GNAS: variants seen among roughly 807,000 people sequenced by gnomAD.
GNAS encodes protein ALEX.
A neutral mutation model predicts 54.5 loss-of-function variants in GNAS; 8 were observed. The observed-to-expected ratio is 0.15, with a 90% CI of 0.09 to 0.26. The LOEUF is 0.26. Ranked by LOEUF, GNAS falls within the 10% of genes least tolerant of loss-of-function variation. The probability of loss-of-function intolerance (pLI) is 1.00; values close to 1 mark genes in which losing one functional copy is unlikely to be tolerated. For synonymous variants in GNAS, 204 were observed against 191.4 expected, an observed-to-expected ratio of 1.07 and a Z score of -0.54; for missense variants, 170 against 529.8, an observed-to-expected ratio of 0.32 and a Z score of 6.67.
intron 1 of GNAS, among the ~76,000 whole-genome samples, chr20:58,872,210 T>A (rs1260894666): frequency 6.6e-6 from 1 of 152,194 alleles, no homozygotes; most frequent in Non-Finnish European, 1.5e-5. Flanking sequence ...ATGGTCCAAT[T>A]TTTGTTTTAT....
intron 3 of GNAS, among the ~76,000 whole-genome samples, chr20:58,901,619 T>C (rs1190200946): frequency 8.2e-6 from 1 of 122,024 alleles, no homozygotes; most frequent in African/African-American, 3.2e-5. Context: ...CTTCCCCAGC[T>C]CTTCACCCAA....
Position 58,854,286 on chromosome 20 carries a change from G to A in GNAS, c.43+13400G>A, listed in dbSNP as rs777234998. 12 of 1,609,246 alleles carry A rather than the reference G, an allele frequency of 7.5e-6. No homozygotes were observed. The Admixed American group carries it at 1.2e-4, about 16-fold the overall frequency. On this transcript the variant is annotated intron_variant, in intron 1 of 12. Transcript: ENST00000306090. ...TGACGGCCCGCCCATCAAGGTCTCCGGAGCCCCAGATAAGAGAGAGCGAGC... is the reference window on the plus strand; with the variant it reads ...TGACGGCCCGCCCATCAAGGTCTCCAGAGCCCCAGATAAGAGAGAGCGAGC...
chr20:58,849,341 C>T (rs950706271), intron 1 of GNAS, among the ~76,000 whole-genome samples: 1 of 152,164 alleles, frequency 6.6e-6, no homozygotes, highest in African/African-American at 2.4e-5. Flanking sequence ...CTGAGTCCTC[C>T]CTACTCACTC....
At chr20:58,893,670 C>G (rs1296252329) in intron 1 of GNAS, among the ~76,000 whole-genome samples, 1 of 152,180 alleles carries the variant, frequency 6.6e-6, no homozygotes, top group Non-Finnish European at 1.5e-5. Flanking sequence ...TTAAATGGTA[C>G]ATGTGTTGCT....
chr20:58,851,472 C>T (rs1306137902), intron 1 of GNAS, among the ~76,000 whole-genome samples: 4 of 152,216 alleles, frequency 2.6e-5, no homozygotes, highest in Non-Finnish European at 4.4e-5. Context: ...CCCAGTTGCT[C>T]TGTGCCTAGA....
chr20:58,905,335 T>G (rs187074221), intron 5 of GNAS, 48 bp from the exon 6 acceptor site: 1 of 1,007,986 alleles, frequency 9.9e-7, no homozygotes, highest in Non-Finnish European at 1.6e-6. Context: ...TGTTGTTGAT[T>G]AGTTCAAGCT....
At chr20:58,907,072 T>A (rs2091109073) in intron 6 of GNAS, among the ~76,000 whole-genome samples, 1 of 152,136 alleles carries the variant, frequency 6.6e-6, no homozygotes, top group African/African-American at 2.4e-5. Context: ...TTGCTTTACT[T>A]AGTAGCCTCA....
At chr20:58,872,355 A>AG (rs2145720604) in intron 1 of GNAS, among the ~76,000 whole-genome samples, 1 of 152,200 alleles carries the variant, frequency 6.6e-6, no homozygotes, top group African/African-American at 2.4e-5. Flanking sequence ...CTTTAAAAAA[A>AG]AAAATCATAA....
At chr20:58,888,729 G>A (rs2088784515), upstream of GNAS, 1 of 152,126 alleles carries the variant, frequency 6.6e-6, no homozygotes, top group Non-Finnish European at 1.5e-5. Flanking sequence ...ACGAAACTCC[G>A]TCCGGGCGTC....
intron 1 of GNAS, among the ~76,000 whole-genome samples, chr20:58,847,531 C>T (rs1204731251): frequency 6.6e-6 from 1 of 152,226 alleles, no homozygotes; most frequent in Non-Finnish European, 1.5e-5. Flanking sequence ...GGCTGAGAAG[C>T]TTCATAGTTG....
chr20:58,889,954 A>T (rs2088975716), upstream of GNAS, among the ~76,000 whole-genome samples: 1 of 151,138 alleles, frequency 6.6e-6, no homozygotes, highest in East Asian at 2.0e-4. Context: ...GCGGCTGCCG[A>T]GGTGGCTGCC....
chr20:58,896,228 A>AT (rs5842244), intron 2 of GNAS, among the ~76,000 whole-genome samples: 98,261 of 151,638 alleles, frequency 0.65, 32,005 homozygotes, highest in South Asian at 0.75. Context: ...ACAGTTTCTC[A>AT]TTTTTTTTGT....
intron 1 of GNAS, chr20:58,854,443 G>T: frequency 1.9e-6 from 3 of 1,574,584 alleles, no homozygotes; most frequent in Non-Finnish European, 2.6e-6. Context: ...ACCGCTGCCA[G>T]GGCAGCCCCT....
chr20:58,910,854 A>G lies in GNAS; in HGVS notation c.*25A>G, dbSNP rs746559018. ...AGAAGGGAACCCCCAAATTTAATTAAAGCCTTAAGCACAATTAATTAAAAG... is the reference window on the plus strand; with the variant it reads ...AGAAGGGAACCCCCAAATTTAATTAGAGCCTTAAGCACAATTAATTAAAAG... On this transcript the variant is annotated 3_prime_UTR_variant, in exon 13 of 13. Coordinates refer to ENST00000371085, the MANE Select transcript of GNAS (RefSeq NM_000516.7). This position sits in a 1 kb window ranked among gnomAD's most constrained non-coding sequence, Gnocchi z 5.8. The G allele has an allele frequency of 6.2e-7, 1 of 1,605,352 alleles. No individual in the cohort carries two copies. The highest frequency in any genetic ancestry group is 1.7e-5 in the Admixed American group (1 of 60,016).
intron 6 of GNAS, chr20:58,908,805 G>T (rs1490918771): frequency 3.1e-6 from 1 of 320,940 alleles, no homozygotes; most frequent in Non-Finnish European, 6.0e-6. Context: ...GCTAAGTAAA[G>T]AATAAAAAAG....
Position 58,898,994 on chromosome 20 carries a change from A to G in GNAS, c.257+9A>G. 2 of 1,608,398 alleles carry G rather than the reference A, an allele frequency of 1.2e-6. No homozygotes were observed. Among genetic ancestry groups the G allele is most frequent in the Non-Finnish European group, 8.5e-7 (1 of 1,174,748 alleles). On this transcript the variant is annotated intron_variant, in intron 3 of 12. Coordinates refer to ENST00000371085, the MANE Select transcript of GNAS (RefSeq NM_000516.7). ...AGGAGCAACAGCGATGGGTAGGCAC[A>G]TTCAAAACCAGAAAAAATTGTTAAC...
intron 1 of GNAS, chr20:58,854,584 A>G: frequency 1.3e-6 from 2 of 1,554,042 alleles, no homozygotes; most frequent in Non-Finnish European, 1.7e-6. Flanking sequence ...GCCCCAGCCG[A>G]TCCCGACTCC....
chr20:58,879,886 C>T (rs762913123), intron 1 of GNAS, among the ~76,000 whole-genome samples: 33 of 152,184 alleles, frequency 2.2e-4, no homozygotes, highest in Non-Finnish European at 7.3e-5. Context: ...AGGTTACAAC[C>T]AGCTCAATCC....
At chr20:58,842,426 A>G in intron 1 of GNAS, 1 of 398,610 alleles carries the variant, frequency 2.5e-6, no homozygotes, top group Non-Finnish European at 4.4e-6. Context: ...TGATAGAAGG[A>G]AAATACCTTA....
Sources: gnomAD v4.1 joint callset for allele counts (sites outside exome capture counted in the v4.1 genomes callset) on GRCh38, gnomAD v4.1.1 for gene constraint, Gnocchi (gnomAD v3.1) non-coding constraint, MANE v1.5 for transcripts, NCBI Gene and HGNC (gene_info 2026-07-23, HGNC 2026-07-21) for gene names.